The following FPGS variants were observed in gnomAD, a reference collection of about 807,000 sequenced individuals.
FPGS encodes folylpolyglutamate synthase.
FPGS carries 53 observed loss-of-function variants against 66.5 expected under a neutral mutation model. That is an observed-to-expected ratio of 0.80 (90% CI 0.64 to 1.00). FPGS has a LOEUF of 1.00. FPGS is among the 50% of genes least tolerant of loss of function. The probability of loss-of-function intolerance (pLI) is 0.00; values close to 1 mark genes in which losing one functional copy is unlikely to be tolerated. For missense variants in FPGS, 702 were observed against 807.7 expected (o/e 0.87, Z 1.59); for synonymous variants, 348 against 350.9 (o/e 0.99, Z 0.09).
intron 13 of FPGS, among the ~76,000 whole-genome samples, chr9:127,810,567 A>G (rs549144791): frequency 2.8e-4 from 43 of 152,192 alleles, no homozygotes; most frequent in African/African-American, 1.0e-3. Flanking sequence ...AGTGGCCCCT[A>G]GGTATCATCT....
At position 127,813,482 on chromosome 9, in the gene FPGS, C is replaced by T; in HGVS notation, c.1642C>T (p.Pro548Ser). The T allele has an allele frequency of 6.2e-7, 1 of 1,613,216 alleles. No homozygotes were observed. The highest frequency in any genetic ancestry group is 8.5e-7 in the Non-Finnish European group (1 of 1,179,742). The part of the protein sequence containing the change: ...PSPPKGLLTH[P>S]VAHSGASILR... ...TCCCCCAAAGGGCCTCCTCACCCAC[C>T]CTGTGGCTCACAGTGGGGCCAGCAT... Residue 548 changes from proline (P) to serine (S), a missense_variant, in exon 15 of 15, where the codon CCT becomes TCT. Transcript: ENST00000373247.
intron 1 of FPGS, 68 bp downstream of exon 1, chr9:127,803,130 A>C: frequency 7.8e-7 from 1 of 1,279,500 alleles, no homozygotes; most frequent in Non-Finnish European, 9.9e-7. Context: ...TGAGCCGCAG[A>C]ACATCCGGGC....
chr9:127,808,733 G>T, intron 10 of FPGS, 28 bp downstream of exon 10: 1 of 1,568,302 alleles, frequency 6.4e-7, no homozygotes, highest in Non-Finnish European at 8.6e-7. Flanking sequence ...TGGGCAGGCA[G>T]GTGGGTGGCA....
At chr9:127,803,179 G>T in intron 1 of FPGS, 117 bp downstream of exon 1, 1 of 1,260,844 alleles carries the variant, frequency 7.9e-7, no homozygotes, top group Admixed American at 4.2e-5. Context: ...CTGGACTGGG[G>T]GACTCGGGGG....
rs367664864 is a variant in FPGS at position 127,807,371 on chromosome 9, G to A, written c.580-50G>A. 31 of 1,612,224 alleles carry A rather than the reference G, an allele frequency of 1.9e-5. No individual in the cohort carries two copies. Among genetic ancestry groups the A allele is most frequent in the African/African-American group, 2.7e-5 (2 of 74,882 alleles). The stretch of plus-strand genomic sequence containing the variant: ...GCCTGGGGGCTCCCTGCTTCCATGC[G>A]GCCTCTGGGCACCCTCATATCCCCT... On this transcript the variant is annotated intron_variant, in intron 6 of 14. Coordinates refer to ENST00000373247, the MANE Select transcript of FPGS (RefSeq NM_004957.6). This position sits in a 1 kb window ranked among gnomAD's most constrained non-coding sequence, Gnocchi z 5.8.
At position 127,812,800 on chromosome 9, in the gene FPGS, T is replaced by TACAA. The variant is rs540788896; in HGVS notation, c.1355-394_1355-391dup. ...CCTCGGCCTCCCAAAGTGCTGGGAT[T>TACAA]ACAAGTGTGAGCCACTGCACCCAGC... is the stretch of plus-strand genomic sequence containing the variant. On this transcript the variant is annotated intron_variant, in intron 14 of 14. Transcript: ENST00000373247. 9.8e-5 allele frequency among the ~76,000 whole-genome samples: 15 copies of TACAA among 152,326 alleles called. No individual in the cohort carries two copies. In the East Asian group the frequency reaches 2.9e-3, roughly 29 times the overall value.
At position 127,808,721 on chromosome 9, in the gene FPGS, AGTGGGCAGGCAG is replaced by A. The variant is rs779039814; in HGVS notation, c.970+22_970+33del. On this transcript the variant is annotated intron_variant, in intron 10 of 14. Transcript: ENST00000373247. ...GACCGCCATGGTGAGTGGGCAGCTG[AGTGGGCAGGCAG>A]GTGGGTGGCACCTGTGGAGCCTGCC... 6.4e-7 allele frequency: 1 copy of A among 1,574,554 alleles called. No individual in the cohort carries two copies. The highest frequency in any genetic ancestry group is 1.3e-5 in the African/African-American group (1 of 74,226).
rs1782235331 is a variant in FPGS, at chr9:127,809,713, A to T, written c.1090A>T (p.Thr364Ser). The T allele has an allele frequency of 6.3e-7, 1 of 1,588,724 alleles. No individual in the cohort carries two copies. The highest frequency in any genetic ancestry group is 1.1e-5 in the South Asian group (1 of 90,142). Residue 364 changes from threonine (T) to serine (S), a missense_variant, in exon 12 of 15, where the codon ACG becomes TCG. By Grantham distance (58) the Thr-to-Ser change is moderately conservative. Around this residue, in one of 3 missense-constraint regions of FPGS, gnomAD observed 351 missense variants for 363.7 expected, o/e 0.97. Coordinates refer to ENST00000373247, the MANE Select transcript of FPGS (RefSeq NM_004957.6). ...GLRNTEWPGR[T>S]QVLRRGPLTW... ...TCGGAACACGGAGTGGCCGGGCCGG[A>T]CGCAGGTGCTGCGGCGCGGGCCCCT... is the stretch of plus-strand genomic sequence containing the variant.
intron 1 of FPGS, 69 bp from the exon 2 acceptor site, chr9:127,804,216 G>A: frequency 6.4e-7 from 1 of 1,573,442 alleles, no homozygotes; most frequent in Non-Finnish European, 8.6e-7. Context: ...CCACTGGTCT[G>A]CTGGCTGTCT....
chr9:127,811,035 C>T, intron 14 of FPGS, 24 bp downstream of exon 14: 2 of 1,515,250 alleles, frequency 1.3e-6, no homozygotes, highest in Non-Finnish European at 9.1e-7. Context: ...GGCATGGCCC[C>T]TGGGGATGAG....
intron 4 of FPGS, chr9:127,805,002 C>T: frequency 2.9e-6 from 1 of 339,164 alleles, no homozygotes; most frequent in South Asian, 3.2e-5. Flanking sequence ...AATTCTCCTG[C>T]TTCAGCCTCC....
At chr9:127,804,773 T>C (rs1448471286) in intron 4 of FPGS, 73 bp downstream of exon 4, 2 of 1,491,776 alleles carry the variant, frequency 1.3e-6, no homozygotes, top group Non-Finnish European at 1.9e-6. Context: ...AGCCAGTGCT[T>C]CAGGACCAGG....
At chr9:127,808,989 A>G (rs1588558674) in intron 11 of FPGS, 100 bp downstream of exon 11, 1 of 937,312 alleles carries the variant, frequency 1.1e-6, no homozygotes, top group Non-Finnish European at 1.6e-6. Flanking sequence ...GGGAGATAAG[A>G]GACAATTTGA....
rs1014416938 is a variant in FPGS, at chr9:127,803,001, T to G, written c.77T>G (p.Val26Gly). 1.6e-5 allele frequency: 23 copies of G among 1,465,886 alleles called. No individual in the cohort carries two copies. Among genetic ancestry groups the G allele is most frequent in the Admixed American group, 2.5e-5 (1 of 39,364 alleles). 90.8% of individuals were successfully genotyped at this position (1,465,886 alleles called of 1,614,324 possible). A position where few individuals can be genotyped will look rare whatever the true frequency, so the allele number is the denominator to read the frequency against. The stretch of plus-strand genomic sequence containing the variant: ...TCTGCGCGCGGCATAACGACCCAGG[T>G]CGCGGCGCGGCGGGGCTTGAGCGCG... ...AASARGITTQ[V>G]AARRGLSAWP... Residue 26 changes from valine (V) to glycine (G), a missense_variant, in exon 1 of 15, where the codon GTC becomes GGC. Physicochemically the swap from Val to Gly is moderately radical, Grantham distance 109. Around this residue, in one of 3 missense-constraint regions of FPGS, gnomAD observed 111 missense variants for 95.4 expected, o/e 1.16. Transcript: ENST00000373247.
intron 13 of FPGS, 52 bp downstream of exon 13, chr9:127,810,158 T>C: frequency 1.3e-6 from 2 of 1,500,054 alleles, no homozygotes; most frequent in Non-Finnish European, 1.9e-6. Flanking sequence ...GCCCTGGGTC[T>C]GGCGGTGTGA....
At chr9:127,814,098 C>G, downstream of FPGS, 2 of 986,654 alleles carry the variant, frequency 2.0e-6, no homozygotes, top group Non-Finnish European at 2.4e-6. Context: ...ACCCCCTGCT[C>G]CCTCAGCAGA....
In FPGS at chr9:127,808,257, G is replaced by A. The variant is rs1214282061; in HGVS notation, c.768G>A (p.Val256=). 6.2e-7 allele frequency: 1 copy of A among 1,614,084 alleles called. No individual in the cohort carries two copies. The highest frequency in any genetic ancestry group is 8.5e-7 in the Non-Finnish European group (1 of 1,179,994). ...IFKQGVPAFT[V]LQPEGPLAVL... ...AGCAAGGTGTCCCTGCCTTCACTGT[G>A]CTCCAACCTGAAGGTCCCCTGGCAG... The change falls in exon 9 of 15, where the codon GTG becomes GTA. Residue 256 remains valine, a synonymous_variant. Transcript: ENST00000373247.
At position 127,804,297 on chromosome 9, in the gene FPGS, A is replaced by C; in HGVS notation, c.151A>C (p.Met51Leu). The change falls in exon 2 of 15, where the codon ATG becomes CTG. Residue 51 changes from methionine (M) to leucine (L), a missense_variant. Physicochemically the swap from Met to Leu is conservative, Grantham distance 15. Around this residue, in one of 3 missense-constraint regions of FPGS, gnomAD observed 111 missense variants for 95.4 expected, o/e 1.16. Transcript: ENST00000373247. ...PSMEYQDAVRMLNTLQTNAGY... is the reference protein window; with the variant it reads ...PSMEYQDAVRLLNTLQTNAGY... ...CTGTGGTTGCCAGGATGCCGTGCGC[A>C]TGCTCAATACCCTGCAGACCAATGC... 6.2e-7 allele frequency: 1 copy of C among 1,614,166 alleles called. No individual in the cohort carries two copies. The highest frequency in any genetic ancestry group is 8.5e-7 in the Non-Finnish European group (1 of 1,180,006).
At chr9:127,811,806 A>G (rs1830092241) in intron 14 of FPGS, among the ~76,000 whole-genome samples, 1 of 152,024 alleles carries the variant, frequency 6.6e-6, no homozygotes, top group African/African-American at 2.4e-5. Context: ...ATTTTATATG[A>G]AATAGAGTAG....
Sources: gnomAD v4.1 joint callset for allele counts (sites outside exome capture counted in the v4.1 genomes callset) on GRCh38, gnomAD v4.1.1 for gene constraint, gnomAD v4.1.1 regional missense constraint, Gnocchi (gnomAD v3.1) non-coding constraint, MANE v1.5 for transcripts, NCBI Gene and HGNC (gene_info 2026-07-23, HGNC 2026-07-21) for gene names.